B4GALNT3: variants seen among roughly 807,000 people sequenced by gnomAD.
B4GALNT3 encodes the protein beta-1,4-N-acetylgalactosaminyltransferase 3.
In B4GALNT3, 86 loss-of-function variants were observed where a neutral mutation model predicts 120.2. The observed-to-expected ratio is 0.72, with a 90% confidence interval of 0.60 to 0.86. The LOEUF is 0.86. Among genes scored for constraint, B4GALNT3 ranks in the 40% least tolerant of loss-of-function variants. The probability of loss-of-function intolerance (pLI) is 0.00; values close to 1 mark genes in which losing one functional copy is unlikely to be tolerated. For missense variants in B4GALNT3, 1,167 were observed against 1,298.9 expected, an observed-to-expected ratio of 0.90 and a Z score of 1.56; for synonymous variants, 518 against 510.4, an observed-to-expected ratio of 1.01 and a Z score of -0.20.
chr12:545,749 G>A (rs1946992508), intron 6 of B4GALNT3, among the ~76,000 whole-genome samples: 3 of 137,976 alleles, frequency 2.2e-5, no homozygotes, highest in South Asian at 2.5e-4. Flanking sequence ...GGAGTGGGGA[G>A]GAGTGAGGAG....
At position 549,948 on chromosome 12, in the gene B4GALNT3, G is replaced by C. The variant is rs975880632; in HGVS notation, c.997+36G>C. The C allele has an allele frequency of 2.5e-6, 4 of 1,572,664 alleles. No homozygotes were observed. The African/African-American group carries it at 4.1e-5, about 16-fold the overall frequency. On this transcript the variant is annotated intron_variant, in intron 10 of 19. Transcript: ENST00000266383. The stretch of plus-strand genomic sequence containing the variant: ...GGCCAGCGCTTGGCGTCCTTTCTGG[G>C]GACACTGCACTGCCAGGTCCACTGC...
At position 553,304 on chromosome 12, in the gene B4GALNT3, T is replaced by A; in HGVS notation, c.1381T>A (p.Ser461Thr). The A allele has an allele frequency of 2.5e-6, 4 of 1,613,636 alleles. No homozygotes were observed. Among genetic ancestry groups the A allele is most frequent in the Non-Finnish European group, 2.5e-6 (3 of 1,180,024 alleles). ...RMLEGRQTPASTLEQDATDYR... is the reference protein window; with the variant it reads ...RMLEGRQTPATTLEQDATDYR... The stretch of plus-strand genomic sequence containing the variant: ...GCTTGAGGGAAGACAGACACCTGCC[T>A]CCACCCTGGAGCAAGATGCCACTGA... Residue 461 changes from serine (S) to threonine (T), a missense_variant, in exon 14 of 20, where the codon TCC becomes ACC. This residue lies in a region of B4GALNT3 where 983 missense variants were observed against 1,102.5 expected (regional missense o/e 0.89). Coordinates refer to ENST00000266383, the MANE Select transcript of B4GALNT3 (RefSeq NM_173593.4).
chr12:506,934 C>T lies in B4GALNT3; in HGVS notation c.170-28232C>T, dbSNP rs1298082854. 2.0e-5 allele frequency among the ~76,000 whole-genome samples: 3 copies of T among 152,196 alleles called. 1 individual carries two copies. Among genetic ancestry groups the T allele is most frequent in the African/African-American group, 7.2e-5 (3 of 41,450 alleles). On this transcript the variant is annotated intron_variant, in intron 1 of 19. Coordinates refer to ENST00000266383, the MANE Select transcript of B4GALNT3 (RefSeq NM_173593.4). The stretch of plus-strand genomic sequence containing the variant: ...TACAGGCGTGAGCCACCGTGCCCGG[C>T]CAAGTGCATTTTTAAATGAATTTTT...
chr12:561,459 G>T lies in B4GALNT3; in HGVS notation c.*8G>T, dbSNP rs1434753648. On this transcript the variant is annotated 3_prime_UTR_variant, in exon 20 of 20. Coordinates refer to ENST00000266383, the MANE Select transcript of B4GALNT3 (RefSeq NM_173593.4). ...CAGATGAAGACGCTGTAGCCGGAGG[G>T]TGTCCGCGGGGCCCAGCACTCCCCG... 6 of 1,602,496 alleles carry T rather than the reference G, an allele frequency of 3.7e-6. No homozygotes were observed. The highest frequency in any genetic ancestry group is 5.1e-6 in the Non-Finnish European group (6 of 1,172,732).
intron 3 of B4GALNT3, among the ~76,000 whole-genome samples, chr12:537,438 A>G (rs533356216): frequency 1.3e-5 from 2 of 152,230 alleles, no homozygotes; most frequent in South Asian, 2.1e-4. Context: ...ATTAATTTTT[A>G]TAGAGACAGG....
chr12:542,914 G>A (rs1946935277), intron 3 of B4GALNT3, among the ~76,000 whole-genome samples: 1 of 152,192 alleles, frequency 6.6e-6, no homozygotes, highest in Non-Finnish European at 1.5e-5. Flanking sequence ...CCAGAAGCAT[G>A]GAGACCACTG....
Position 560,772 on chromosome 12 carries a change from C to T in B4GALNT3, c.2889-571C>T, listed in dbSNP as rs544617773. Among the ~76,000 whole-genome samples, 428 of 152,310 alleles carry T rather than the reference C, an allele frequency of 2.8e-3. 1 individual carries two copies. Among genetic ancestry groups the T allele is most frequent in the Non-Finnish European group, 2.1e-3 (141 of 68,018 alleles). The stretch of plus-strand genomic sequence containing the variant: ...TACAGCCCTGAACCTCCTGCCTCCT[C>T]GGAGGCTCAGGCATCCAGTTCGGCC... On this transcript the variant is annotated intron_variant, in intron 19 of 19. Coordinates refer to ENST00000266383, the MANE Select transcript of B4GALNT3 (RefSeq NM_173593.4).
intron 1 of B4GALNT3, among the ~76,000 whole-genome samples, chr12:512,076 C>T (rs1239265657): frequency 7.1e-6 from 1 of 141,242 alleles, no homozygotes; most frequent in African/African-American, 2.8e-5. Flanking sequence ...CTTCAACCTT[C>T]CACCTTCGAC....
intron 4 of B4GALNT3, 25 bp downstream of exon 4, chr12:544,459 C>G: frequency 6.3e-7 from 1 of 1,583,056 alleles, no homozygotes; most frequent in Non-Finnish European, 8.7e-7. Context: ...GCTGCCTTGC[C>G]CACCTCCCTC....
intron 19 of B4GALNT3, 143 bp downstream of exon 19, chr12:559,564 C>T: frequency 8.3e-7 from 1 of 1,199,538 alleles, no homozygotes; most frequent in African/African-American, 1.5e-5. Flanking sequence ...GGAGGACGCC[C>T]TCAAATCACC....
At chr12:463,624 A>G (rs189085110) in intron 1 of B4GALNT3, among the ~76,000 whole-genome samples, 187 of 152,360 alleles carry the variant, frequency 1.2e-3, no homozygotes, top group Middle Eastern at 3.4e-3. Flanking sequence ...TTTTGCAAAC[A>G]TAGGACGCAT....
intron 1 of B4GALNT3, among the ~76,000 whole-genome samples, chr12:512,144 A>C (rs143536331): frequency 2.4e-5 from 1 of 41,396 alleles, no homozygotes; most frequent in Non-Finnish European, 4.3e-5. Context: ...TCCACCTTCC[A>C]CCTTCCGCCT....
In B4GALNT3 at chr12:558,502, C is replaced by G. The variant is rs772505739; in HGVS notation, c.2608-6C>G. The G allele has an allele frequency of 1.9e-5, 30 of 1,613,478 alleles. No individual in the cohort carries two copies. Among genetic ancestry groups the G allele is most frequent in the African/African-American group, 2.7e-5 (2 of 74,914 alleles). On this transcript the variant is annotated splice_polypyrimidine_tract_variant and splice_region_variant and intron_variant, in intron 17 of 19. Coordinates refer to ENST00000266383, the MANE Select transcript of B4GALNT3 (RefSeq NM_173593.4). Reference sequence around the variant, plus strand: ...GTCTGCTGACCCTGCCCACATCTGTCCCCAGGACCCGCACAGCATCATCTT... The same window carrying G: ...GTCTGCTGACCCTGCCCACATCTGTGCCCAGGACCCGCACAGCATCATCTT...
At chr12:516,211 T>A (rs1028622113) in intron 1 of B4GALNT3, among the ~76,000 whole-genome samples, 1 of 151,846 alleles carries the variant, frequency 6.6e-6, no homozygotes, top group South Asian at 2.1e-4. Flanking sequence ...GGGGAGAAGA[T>A]AGATTTTATA....
chr12:510,458 G>A (rs929703123), intron 1 of B4GALNT3, among the ~76,000 whole-genome samples: 1 of 109,210 alleles, frequency 9.2e-6, no homozygotes, highest in African/African-American at 3.0e-5. Flanking sequence ...GGGGTTGGAC[G>A]CTGGGGGGCT....
intron 1 of B4GALNT3, among the ~76,000 whole-genome samples, chr12:502,730 C>T (rs1368858060): frequency 6.6e-6 from 1 of 151,944 alleles, no homozygotes; most frequent in Non-Finnish European, 1.5e-5. Flanking sequence ...AGCACTTTTT[C>T]CTTTTTGTTT....
At chr12:527,798 C>T (rs1360391579) in intron 1 of B4GALNT3, among the ~76,000 whole-genome samples, 1 of 152,168 alleles carries the variant, frequency 6.6e-6, no homozygotes. Context: ...GCTCTCATGT[C>T]CAATTCTCCA....
At chr12:511,572 ACCTTCTTCCACCTTCCACCTTCCG>A (rs1946561877) in intron 1 of B4GALNT3, among the ~76,000 whole-genome samples, 1 of 52,240 alleles carries the variant, frequency 1.9e-5, no homozygotes, top group Admixed American at 1.9e-4. Flanking sequence ...TCCGCCTTCG[ACCTTCTTCCACCTTCCACCTTCCG>A]CCTTCCACCT....
At chr12:493,666 T>TGA (rs1436031354) in intron 1 of B4GALNT3, among the ~76,000 whole-genome samples, 7 of 151,720 alleles carry the variant, frequency 4.6e-5, no homozygotes, top group African/African-American at 1.7e-4. Context: ...TTGAAAACAA[T>TGA]GAGAGCATCT....
Sources: allele counts gnomAD v4.1 joint callset (sites outside exome capture counted in the v4.1 genomes callset), GRCh38; gene constraint gnomAD v4.1.1; regional missense constraint gnomAD v4.1.1; transcripts MANE v1.5; gene names NCBI Gene and HGNC (gene_info 2026-07-23, HGNC 2026-07-21).